Variants in MLF2 observed in about 807,000 individuals in gnomAD.
MLF2 encodes the protein myeloid leukemia factor 2, also known as myelodysplasia-myeloid leukemia factor 2.
MLF2 carries 12 observed loss-of-function variants against 31.4 expected under a neutral mutation model. That is an observed-to-expected ratio of 0.38 (90% CI 0.24 to 0.62). The LOEUF is 0.62. Among genes scored for constraint, MLF2 ranks in the 20% least tolerant of loss-of-function variants. The pLI is 0.58. For synonymous variants in MLF2, 109 were observed against 118.8 expected (o/e 0.92, Z 0.54); for missense variants, 272 against 359.7 (o/e 0.76, Z 1.97).
At position 6,753,081 on chromosome 12, in the gene MLF2, C is replaced by G; in HGVS notation, c.-171G>C. The G allele has an allele frequency of 2.6e-6, 1 of 389,408 alleles. No individual in the cohort carries two copies. Among genetic ancestry groups the G allele is most frequent in the East Asian group, 3.6e-5 (1 of 27,572 alleles). The allele number at this position is 389,408 out of a possible 1,614,324, so 24.1% of individuals were successfully genotyped here. A position where few individuals can be genotyped will look rare whatever the true frequency, so the allele number is the denominator to read the frequency against. ...CCACGCCGCCTCCTCCCACAGCTGC[C>G]ACCTCCGTACGGCCCCCTCGGCCAA... On this transcript the variant is annotated 5_prime_UTR_variant, in exon 1 of 9. Coordinates refer to ENST00000203630, the MANE Select transcript of MLF2 (RefSeq NM_001382226.1).
chr12:6,750,864 C>T lies in MLF2; in HGVS notation c.217-98G>A, dbSNP rs59347851. Reference sequence around the variant, plus strand: ...CACAACCCACATGGCTGCACATTTCCTTTCTCTTCTTCCTTCACATCTAGC... The same window carrying T: ...CACAACCCACATGGCTGCACATTTCTTTTCTCTTCTTCCTTCACATCTAGC... On this transcript the variant is annotated intron_variant, in intron 4 of 8. Coordinates refer to ENST00000203630, the MANE Select transcript of MLF2 (RefSeq NM_001382226.1). This position sits in a 1 kb window ranked among gnomAD's most constrained non-coding sequence, Gnocchi z 5.3. 121,091 of 1,004,846 alleles carry T rather than the reference C, an allele frequency of 0.12. 7,778 individuals carry two copies. The highest frequency in any genetic ancestry group is 0.13 in the Admixed American group (6,872 of 51,918). 62.2% of individuals were successfully genotyped at this position (1,004,846 alleles called of 1,614,324 possible).
intron 4 of MLF2, among the ~76,000 whole-genome samples, chr12:6,751,334 C>T (rs959273786): frequency 2.0e-5 from 3 of 151,872 alleles, no homozygotes; most frequent in African/African-American, 4.8e-5. Flanking sequence ...GCTGGGACTA[C>T]AGGTGTGTGC....
chr12:6,750,355 G>A lies in MLF2; in HGVS notation c.271-50C>T. ...GGCTGAATGGGGAGGCATCACCCCT[G>A]GTGAAGGGATTTCACCCTTCAGCTG... On this transcript the variant is annotated intron_variant, in intron 5 of 8. Transcript: ENST00000203630. This position sits in a 1 kb window ranked among gnomAD's most constrained non-coding sequence, Gnocchi z 5.3. 1.3e-6 allele frequency: 2 copies of A among 1,593,852 alleles called. No individual in the cohort carries two copies. The highest frequency in any genetic ancestry group is 1.7e-4 in the Middle Eastern group (1 of 5,984).
Position 6,749,383 on chromosome 12 carries a change from C to T in MLF2, c.560-401G>A, listed in dbSNP as rs1029362075. Among the ~76,000 whole-genome samples, 2 of 152,238 alleles carry T rather than the reference C, an allele frequency of 1.3e-5. No individual in the cohort carries two copies. The highest frequency in any genetic ancestry group is 2.4e-5 in the African/African-American group (1 of 41,476). On this transcript the variant is annotated intron_variant, in intron 7 of 8. Coordinates refer to ENST00000203630, the MANE Select transcript of MLF2 (RefSeq NM_001382226.1). The surrounding 1 kb of genome is among the most constrained non-coding windows in gnomAD (Gnocchi z 5.3). The stretch of plus-strand genomic sequence containing the variant: ...CAAAGACACCGCCAGCACCTGACTC[C>T]GCCCGAGCGGAGGAGGCTCCAAGTG...
At chr12:6,751,051 T>C (rs1221478392) in intron 4 of MLF2, 9 of 423,158 alleles carry the variant, frequency 2.1e-5, no homozygotes, top group Admixed American at 1.9e-4. Context: ...AAGTAATGGA[T>C]TCTAAACTCT....
Position 6,750,039 on chromosome 12 carries a change from C to T in MLF2, c.400-32G>A, listed in dbSNP as rs199729847. The stretch of plus-strand genomic sequence containing the variant: ...TGAGGCAGAACGTGGCACACTCAGC[C>T]GCCCCTTCCAAAGCCCTGCCTATAC... On this transcript the variant is annotated intron_variant, in intron 6 of 8. Coordinates refer to ENST00000203630, the MANE Select transcript of MLF2 (RefSeq NM_001382226.1). The surrounding 1 kb of genome is among the most constrained non-coding windows in gnomAD (Gnocchi z 5.3). 35 of 1,613,378 alleles carry T rather than the reference C, an allele frequency of 2.2e-5. No individual in the cohort carries two copies. Among genetic ancestry groups the T allele is most frequent in the Middle Eastern group, 3.3e-4 (2 of 6,062 alleles).
chr12:6,751,574 T>C (rs1941615310), intron 4 of MLF2, 67 bp downstream of exon 4: 1 of 1,536,528 alleles, frequency 6.5e-7, no homozygotes, highest in Non-Finnish European at 9.0e-7. Context: ...AGAGGCACAT[T>C]TGGGAATAAT....
chr12:6,752,176 G>T lies in MLF2; in HGVS notation c.50+109C>A, dbSNP rs1941626568. ...GATGCCTACTTCCTGCTAGGTAGGA[G>T]CTAGGTATCCAGCCAGTTCCAACCA... On this transcript the variant is annotated intron_variant, in intron 2 of 8. Coordinates refer to ENST00000203630, the MANE Select transcript of MLF2 (RefSeq NM_001382226.1). This position sits in a 1 kb window ranked among gnomAD's most constrained non-coding sequence, Gnocchi z 4.6. The T allele has an allele frequency of 6.5e-7, 1 of 1,543,230 alleles. No homozygotes were observed. The highest frequency in any genetic ancestry group is 8.8e-7 in the Non-Finnish European group (1 of 1,132,846).
chr12:6,751,907 G>T lies in MLF2; in HGVS notation c.180+18C>A. On this transcript the variant is annotated intron_variant, in intron 3 of 8. Transcript: ENST00000203630. ...TCCAACCTTTCTTTGGGTCTCAGGT[G>T]TGTCTCAGCATCATTACCTGCTGCA... is the stretch of plus-strand genomic sequence containing the variant. The T allele has an allele frequency of 6.2e-7, 1 of 1,613,656 alleles. No homozygotes were observed. Among genetic ancestry groups the T allele is most frequent in the Non-Finnish European group, 8.5e-7 (1 of 1,179,694 alleles).
chr12:6,751,746 A>C, intron 3 of MLF2, 70 bp from the exon 4 acceptor site: 1 of 1,591,738 alleles, frequency 6.3e-7, no homozygotes, highest in South Asian at 1.1e-5. Context: ...AACCAGGCCC[A>C]TGGCCTCAAT....
rs371295054 is a variant in MLF2 at position 6,752,374 on chromosome 12, T to G, written c.-28-12A>C. 1 of 1,550,684 alleles carries G rather than the reference T, an allele frequency of 6.4e-7. No individual in the cohort carries two copies. The highest frequency in any genetic ancestry group is 1.4e-5 in the African/African-American group (1 of 73,218). On this transcript the variant is annotated splice_polypyrimidine_tract_variant and intron_variant, in intron 1 of 8. Transcript: ENST00000203630. The surrounding 1 kb of genome is among the most constrained non-coding windows in gnomAD (Gnocchi z 4.6). ...CAGGGGGCTCCACACTGGAAAGATA[T>G]GGAAGCTCAGATACTTGGAGGTGGC...
rs371295054 is a variant in MLF2 at position 6,752,374 on chromosome 12, T to C, written c.-28-12A>G. On this transcript the variant is annotated splice_polypyrimidine_tract_variant and intron_variant, in intron 1 of 8. Transcript: ENST00000203630. The surrounding 1 kb of genome is among the most constrained non-coding windows in gnomAD (Gnocchi z 4.6). ...CAGGGGGCTCCACACTGGAAAGATA[T>C]GGAAGCTCAGATACTTGGAGGTGGC... 8.4e-6 allele frequency: 13 copies of C among 1,550,684 alleles called. No individual in the cohort carries two copies. The highest frequency in any genetic ancestry group is 1.2e-5 in the South Asian group (1 of 84,126).
rs1033008098 is a variant in MLF2 at position 6,749,502 on chromosome 12, G to T, written c.559+346C>A. On this transcript the variant is annotated intron_variant, in intron 7 of 8. Coordinates refer to ENST00000203630, the MANE Select transcript of MLF2 (RefSeq NM_001382226.1). The surrounding 1 kb of genome is among the most constrained non-coding windows in gnomAD (Gnocchi z 5.3). ...CAACGGTCGGTGGGTGGATCACAAG[G>T]TCAGGAGTTCGAGAACGGCCTGCCC... Among the ~76,000 whole-genome samples, 23 of 152,226 alleles carry T rather than the reference G, an allele frequency of 1.5e-4. No individual in the cohort carries two copies. Among genetic ancestry groups the T allele is most frequent in the African/African-American group, 4.3e-4 (18 of 41,450 alleles).
rs947330431 is a variant in MLF2 at position 6,752,961 on chromosome 12, G to A, written c.-51C>T. The stretch of plus-strand genomic sequence containing the variant: ...CACCAGTGCCCGATTCGGGCTCAGC[G>A]GCCCATCCGGCCGGTTTCGCTTCCC... On this transcript the variant is annotated 5_prime_UTR_variant, in exon 1 of 9. Coordinates refer to ENST00000203630, the MANE Select transcript of MLF2 (RefSeq NM_001382226.1). The surrounding 1 kb of genome is among the most constrained non-coding windows in gnomAD (Gnocchi z 4.6). The A allele has an allele frequency of 7.9e-6, 2 of 254,362 alleles. No individual in the cohort carries two copies. Among genetic ancestry groups the A allele is most frequent in the Non-Finnish European group, 1.5e-5 (2 of 134,470 alleles). The allele number at this position is 254,362 out of a possible 1,614,324, so 15.8% of individuals were successfully genotyped here.
At position 6,752,179 on chromosome 12, in the gene MLF2, A is replaced by G; in HGVS notation, c.50+106T>C. ...GCCTACTTCCTGCTAGGTAGGAGCTAGGTATCCAGCCAGTTCCAACCATTC... is the reference window on the plus strand; with the variant it reads ...GCCTACTTCCTGCTAGGTAGGAGCTGGGTATCCAGCCAGTTCCAACCATTC... On this transcript the variant is annotated intron_variant, in intron 2 of 8. Transcript: ENST00000203630. The surrounding 1 kb of genome is among the most constrained non-coding windows in gnomAD (Gnocchi z 4.6). The G allele has an allele frequency of 1.9e-6, 3 of 1,543,612 alleles. No individual in the cohort carries two copies. The highest frequency in any genetic ancestry group is 2.6e-6 in the Non-Finnish European group (3 of 1,134,288).
At chr12:6,751,076 T>A (rs957057009) in intron 4 of MLF2, 4 of 367,114 alleles carry the variant, frequency 1.1e-5, no homozygotes, top group African/African-American at 8.4e-5. Context: ...AGGTAAGGCA[T>A]GAAATTGTTA....
At position 6,749,442 on chromosome 12, in the gene MLF2, T is replaced by A. The variant is rs888153442; in HGVS notation, c.559+406A>T. ...ATATGGGACTGACAGTTGGGTGCAGTGGCTCATGCCTGTAATCCCGGCACT... is the reference window on the plus strand; with the variant it reads ...ATATGGGACTGACAGTTGGGTGCAGAGGCTCATGCCTGTAATCCCGGCACT... On this transcript the variant is annotated intron_variant, in intron 7 of 8. Coordinates refer to ENST00000203630, the MANE Select transcript of MLF2 (RefSeq NM_001382226.1). This position sits in a 1 kb window ranked among gnomAD's most constrained non-coding sequence, Gnocchi z 5.3. Among the ~76,000 whole-genome samples the A allele has an allele frequency of 5.9e-5, 9 of 152,202 alleles. No individual in the cohort carries two copies. Among genetic ancestry groups the A allele is most frequent in the African/African-American group, 1.9e-4 (8 of 41,464 alleles).
chr12:6,751,618 G>C (rs1018818980), intron 4 of MLF2, 23 bp downstream of exon 4: 1 of 1,611,034 alleles, frequency 6.2e-7, no homozygotes, highest in Non-Finnish European at 8.5e-7. Context: ...GAGATGGAAG[G>C]ACACAGGGAG....
chr12:6,751,077 G>A (rs1438911918), intron 4 of MLF2: 2 of 364,958 alleles, frequency 5.5e-6, no homozygotes, highest in Non-Finnish European at 1.0e-5. Context: ...GGTAAGGCAT[G>A]AAATTGTTAA....
Sources: allele counts gnomAD v4.1 joint callset (sites outside exome capture counted in the v4.1 genomes callset), GRCh38; gene constraint gnomAD v4.1.1; non-coding constraint Gnocchi (gnomAD v3.1); transcripts MANE v1.5; gene names NCBI Gene and HGNC (gene_info 2026-07-23, HGNC 2026-07-21).